Variants in SLC11A2 observed in about 807,000 individuals in gnomAD.
The protein encoded by SLC11A2 is natural resistance-associated macrophage protein 2.
A neutral mutation model predicts 68.0 loss-of-function variants in SLC11A2; 38 were observed. The observed-to-expected ratio is 0.56, with a 90% CI of 0.43 to 0.73. The LOEUF (loss-of-function observed/expected upper bound fraction) is 0.73. Ranked by LOEUF, SLC11A2 falls within the 30% of genes least tolerant of loss-of-function variation. SLC11A2 has a pLI of 0.00. For synonymous variants in SLC11A2, 242 were observed against 250.6 expected, an observed-to-expected ratio of 0.97 and a Z score of 0.32; for missense variants, 517 against 690.5, an observed-to-expected ratio of 0.75 and a Z score of 2.82.
intron 2 of SLC11A2, 124 bp from the exon 3 acceptor site, chr12:51,008,748 G>C: frequency 1.4e-6 from 1 of 725,264 alleles, no homozygotes; most frequent in Non-Finnish European, 2.4e-6. Flanking sequence ...CCTGACTCTA[G>C]CTCAATTTAT....
intron 5 of SLC11A2, among the ~76,000 whole-genome samples, chr12:51,001,634 T>G (rs1049184988): frequency 7.0e-6 from 1 of 143,404 alleles, no homozygotes; most frequent in African/African-American, 2.6e-5. Context: ...TTCACATGTA[T>G]CCATCTCCAA....
intron 3 of SLC11A2, chr12:51,005,726 A>T (rs752205673): frequency 7.7e-7 from 1 of 1,292,334 alleles, no homozygotes; most frequent in Non-Finnish European, 1.0e-6. Context: ...AACACTTCCC[A>T]AAAAGGACAA....
the SLC11A2 span, among the ~76,000 whole-genome samples, chr12:50,958,382 C>T: frequency 1.3e-5 from 2 of 150,464 alleles, no homozygotes; most frequent in Non-Finnish European, 3.0e-5. Flanking sequence ...CCCGGGTTCA[C>T]ACCATTCTCC....
Position 51,008,604 on chromosome 12 carries a change from C to G in SLC11A2, c.55G>C (p.Gly19Arg). 1.9e-6 allele frequency: 3 copies of G among 1,612,896 alleles called. No individual in the cohort carries two copies. In the South Asian group the frequency reaches 3.3e-5, roughly 18 times the overall value. ...ATGTTACCAAGACTGGCAGACTCCCCATGATCTCCAGAAACACTGTCTGAA... is the reference window on the plus strand; with the variant it reads ...ATGTTACCAAGACTGGCAGACTCCCGATGATCTCCAGAAACACTGTCTGAA... ...MSDDSVSGDH[G>R]ESASLGNINP... The change falls in exon 3 of 16, where the codon GGG becomes CGG. Residue 19 changes from glycine to arginine, a missense_variant. Physicochemically the swap from Gly to Arg is moderately radical, Grantham distance 125. Transcript: ENST00000262052.
In SLC11A2 at chr12:50,987,667, G is replaced by T; in HGVS notation, c.*658C>A. ...GAAGGTAATTAGTAAGCACCACCTAGCGATGTGGTGCTGGTTTTGTTAGTT... is the reference window on the plus strand; with the variant it reads ...GAAGGTAATTAGTAAGCACCACCTATCGATGTGGTGCTGGTTTTGTTAGTT... On this transcript the variant is annotated 3_prime_UTR_variant, in exon 16 of 16. Coordinates refer to ENST00000262052, the MANE Select transcript of SLC11A2 (RefSeq NM_000617.3). 7.8e-7 allele frequency: 1 copy of T among 1,287,186 alleles called. No homozygotes were observed. Among genetic ancestry groups the T allele is most frequent in the Non-Finnish European group, 1.0e-6 (1 of 988,682 alleles). The allele number at this position is 1,287,186 out of a possible 1,614,324, so 79.7% of individuals were successfully genotyped here.
downstream of SLC11A2, among the ~76,000 whole-genome samples, chr12:50,976,194 G>T (rs1939846737): frequency 6.6e-6 from 1 of 152,156 alleles, no homozygotes. Context: ...AACAAAAAAA[G>T]AGAATTTTAG....
chr12:51,028,275 T>A (rs1265124004), upstream of SLC11A2: 1 of 1,415,614 alleles, frequency 7.1e-7, no homozygotes, highest in Admixed American at 2.0e-5. Flanking sequence ...CCTCTATATA[T>A]GAAGACAAGT....
chr12:50,986,064 G>A lies in SLC11A2; in HGVS notation c.*2261C>T, dbSNP rs542609450. 5 of 1,277,364 alleles carry A rather than the reference G, an allele frequency of 3.9e-6. No individual in the cohort carries two copies. The African/African-American group carries it at 7.7e-5, about 20-fold the overall frequency. 79.1% of individuals were successfully genotyped at this position (1,277,364 alleles called of 1,614,324 possible). A position where few individuals can be genotyped will look rare whatever the true frequency, so the allele number is the denominator to read the frequency against. ...TTAAATGGTTACTAAAAGCTCAGTT[G>A]TAACCACTCCTAACACCACTAGCAG... On this transcript the variant is annotated 3_prime_UTR_variant, in exon 16 of 16. Coordinates refer to ENST00000262052, the MANE Select transcript of SLC11A2 (RefSeq NM_000617.3).
At chr12:50,999,125 A>G (rs750121238) in intron 8 of SLC11A2, 49 bp downstream of exon 8, 30 of 1,425,182 alleles carry the variant, frequency 2.1e-5, no homozygotes, top group Non-Finnish European at 2.7e-5. Flanking sequence ...AAAAAAAAAA[A>G]CCACAAAAAC....
Position 51,026,335 on chromosome 12 carries a change from A to C in SLC11A2, c.-64T>G. The stretch of plus-strand genomic sequence containing the variant: ...CTTACCAGCTCCGCAACCACCTGAC[A>C]CGCCGCCCCCGCGCCCAGGGCTCCA... On this transcript the variant is annotated 5_prime_UTR_variant, in exon 1 of 16. Coordinates refer to ENST00000262052, the MANE Select transcript of SLC11A2 (RefSeq NM_000617.3). 1 of 1,267,940 alleles carries C rather than the reference A, an allele frequency of 7.9e-7. No homozygotes were observed. The highest frequency in any genetic ancestry group is 1.0e-6 in the Non-Finnish European group (1 of 974,502). The allele number at this position is 1,267,940 out of a possible 1,614,324, so 78.5% of individuals were successfully genotyped here.
chr12:51,028,335 C>G, upstream of SLC11A2: 1 of 693,252 alleles, frequency 1.4e-6, no homozygotes. Context: ...CTAAGCAACA[C>G]AGCTTTCTAA....
rs140593781 is a variant in SLC11A2, at chr12:51,015,006, C to T, written c.-38-4240G>A. ...TGAAACCCCATCTCTACTAAAAATA[C>T]AAAAGTTAGCCAGCGTGGTGGCGCA... On this transcript the variant is annotated intron_variant, in intron 1 of 15. Transcript: ENST00000262052. 4.6e-5 allele frequency among the ~76,000 whole-genome samples: 7 copies of T among 150,712 alleles called. No individual in the cohort carries two copies. In the East Asian group the frequency reaches 9.8e-4, roughly 21 times the overall value.
chr12:51,026,826 T>A (rs1944415344), upstream of SLC11A2, among the ~76,000 whole-genome samples: 1 of 151,800 alleles, frequency 6.6e-6, no homozygotes, highest in African/African-American at 2.4e-5. Context: ...AGTCCAGGAG[T>A]TCGATACCAG....
At chr12:51,004,116 A>T (rs932337739) in intron 5 of SLC11A2, among the ~76,000 whole-genome samples, 1 of 152,238 alleles carries the variant, frequency 6.6e-6, no homozygotes, top group African/African-American at 2.4e-5. Flanking sequence ...TGGGGATATT[A>T]TCAAGATTTT....
intron 10 of SLC11A2, 43 bp from the exon 11 acceptor site, chr12:50,994,673 C>A: frequency 8.4e-7 from 1 of 1,184,270 alleles, no homozygotes; most frequent in South Asian, 1.2e-5. Flanking sequence ...GTTTCAGAAG[C>A]AAGGACCAAA....
At chr12:51,024,042 C>G (rs563724773) in intron 1 of SLC11A2, among the ~76,000 whole-genome samples, 1 of 152,268 alleles carries the variant, frequency 6.6e-6, no homozygotes, top group East Asian at 1.9e-4. Flanking sequence ...AACTAAACAA[C>G]TAAACTTATA....
chr12:50,985,867 C>A, downstream of SLC11A2: 1 of 953,936 alleles, frequency 1.0e-6, no homozygotes. Flanking sequence ...GGAGAAAATC[C>A]TAACAGTGTG....
At chr12:50,982,957 A>C (rs969401646), downstream of SLC11A2, among the ~76,000 whole-genome samples, 4 of 149,158 alleles carry the variant, frequency 2.7e-5, no homozygotes, top group Non-Finnish European at 4.4e-5. Flanking sequence ...AAAAAAAAAA[A>C]CCCACAATTC....
intron 1 of SLC11A2, among the ~76,000 whole-genome samples, chr12:51,023,975 A>T (rs2269684): frequency 0.15 from 23,367 of 151,854 alleles, 2,229 homozygotes; most frequent in East Asian, 0.46. Flanking sequence ...TGGGTTACAG[A>T]GCCAGACCTT....
Sources: allele counts gnomAD v4.1 joint callset (sites outside exome capture counted in the v4.1 genomes callset), GRCh38; gene constraint gnomAD v4.1.1; transcripts MANE v1.5; gene names NCBI Gene and HGNC (gene_info 2026-07-23, HGNC 2026-07-21).